WWC2: variants seen among roughly 807,000 people sequenced by gnomAD.
WWC2 encodes the protein WW and C2 domain containing 2, also known as protein WWC2.
WWC2 carries 101 observed loss-of-function variants against 138.5 expected under a neutral mutation model. The observed-to-expected ratio is 0.73, with a 90% confidence interval of 0.62 to 0.86. WWC2 has a LOEUF of 0.86. Ranked by LOEUF, WWC2 falls within the 40% of genes least tolerant of loss-of-function variation. WWC2 has a pLI of 0.00. For synonymous variants in WWC2, 558 were observed against 538.4 expected (o/e 1.04, Z -0.50); for missense variants, 1,420 against 1,419.4 (o/e 1.00, Z -0.01).
chr4:183,156,022 C>T (rs1735817444), intron 1 of WWC2, among the ~76,000 whole-genome samples: 1 of 16,196 alleles, frequency 6.2e-5, no homozygotes, highest in Admixed American at 1.3e-3. Context: ...TTTTTTCTTT[C>T]TTTCCTTTTT....
intron 21 of WWC2, among the ~76,000 whole-genome samples, chr4:183,305,518 G>GA (rs1738997612): frequency 6.7e-6 from 1 of 148,788 alleles, no homozygotes; most frequent in East Asian, 1.9e-4. Context: ...GCCAGAGGGG[G>GA]AAAAAAGCTT....
At chr4:183,254,208 G>T (rs1737070657) in intron 9 of WWC2, among the ~76,000 whole-genome samples, 1 of 152,176 alleles carries the variant, frequency 6.6e-6, no homozygotes, top group African/African-American at 2.4e-5. Context: ...CAAAACCTGT[G>T]ACAGATGTTG....
chr4:183,193,652 G>T lies in WWC2; in HGVS notation c.185G>T (p.Gly62Val). ...ADCVGDELPW[G>V]WEAGFDPQIG... Reference sequence around the variant, plus strand: ...TGTGTTGGGGATGAGCTGCCGTGGGGATGGGAAGCAGGGTTTGACCCTCAG... The same window carrying T: ...TGTGTTGGGGATGAGCTGCCGTGGGTATGGGAAGCAGGGTTTGACCCTCAG... Residue 62 changes from glycine to valine, a missense_variant, in exon 2 of 23, where the codon GGA becomes GTA. By Grantham distance (109) the Gly-to-Val change is moderately radical. Transcript: ENST00000403733. 1 of 1,613,918 alleles carries T rather than the reference G, an allele frequency of 6.2e-7. No individual in the cohort carries two copies. The highest frequency in any genetic ancestry group is 1.3e-5 in the African/African-American group (1 of 75,016).
intron 1 of WWC2, among the ~76,000 whole-genome samples, chr4:183,133,996 G>T (rs1307914133): frequency 6.6e-6 from 1 of 151,790 alleles, no homozygotes; most frequent in Admixed American, 6.6e-5. Flanking sequence ...AACTATTCAG[G>T]TTTTCTATTT....
At chr4:183,273,624 C>T (rs945399990) in intron 16 of WWC2, among the ~76,000 whole-genome samples, 1 of 152,130 alleles carries the variant, frequency 6.6e-6, no homozygotes, top group African/African-American at 2.4e-5. Flanking sequence ...TTATTATTGA[C>T]TTATAAGAGT....
rs1016946726 is a variant in WWC2, at chr4:183,210,283, C to T, written c.522+1258C>T. The stretch of plus-strand genomic sequence containing the variant: ...GTTACCGTGGACCTCGGGGGTGGGG[C>T]GGAGGTGAGGGGAGATGAAATGGTG... On this transcript the variant is annotated intron_variant, in intron 4 of 22. Transcript: ENST00000403733. Among the ~76,000 whole-genome samples, 4 of 151,202 alleles carry T rather than the reference C, an allele frequency of 2.6e-5. 1 individual carries two copies. Among genetic ancestry groups the T allele is most frequent in the East Asian group, 1.9e-4 (1 of 5,178 alleles).
chr4:183,260,188 T>C (rs1043926147), intron 10 of WWC2, among the ~76,000 whole-genome samples: 1 of 152,212 alleles, frequency 6.6e-6, no homozygotes, highest in African/African-American at 2.4e-5. Flanking sequence ...AAAGCTTTTT[T>C]TTTAATAAAA....
At chr4:183,103,625 G>T (rs1743253248) in intron 1 of WWC2, among the ~76,000 whole-genome samples, 1 of 150,488 alleles carries the variant, frequency 6.6e-6, no homozygotes, top group Middle Eastern at 3.4e-3. Flanking sequence ...ACCGCACCTG[G>T]ACTTGTGTTT....
At chr4:183,305,161 G>T (rs1047865258) in intron 21 of WWC2, among the ~76,000 whole-genome samples, 4 of 151,968 alleles carry the variant, frequency 2.6e-5, no homozygotes, top group African/African-American at 9.7e-5. Flanking sequence ...ACTAAAGAAA[G>T]AATATCTGAA....
chr4:183,180,732 A>G (rs1018836866), intron 1 of WWC2, among the ~76,000 whole-genome samples: 1 of 152,048 alleles, frequency 6.6e-6, no homozygotes, highest in African/African-American at 2.4e-5. Context: ...AGCTAGACAC[A>G]AGAAACCACA....
At chr4:183,123,112 A>C (rs1579959973) in intron 1 of WWC2, among the ~76,000 whole-genome samples, 2 of 152,190 alleles carry the variant, frequency 1.3e-5, no homozygotes, top group Non-Finnish European at 2.9e-5. Flanking sequence ...CCGTTGGCAC[A>C]ATGTATGTCA....
At position 183,250,219 on chromosome 4, in the gene WWC2, G is replaced by C. The variant is rs1371537740; in HGVS notation, c.953+226G>C. Among the ~76,000 whole-genome samples, 14 of 135,092 alleles carry C rather than the reference G, an allele frequency of 1.0e-4. No individual in the cohort carries two copies. In the Admixed American group the frequency reaches 1.2e-3, roughly 12 times the overall value. The allele number at this position is 135,092 out of a possible 152,430, so 88.6% of individuals were successfully genotyped here. A position where few individuals can be genotyped will look rare whatever the true frequency, so the allele number is the denominator to read the frequency against. On this transcript the variant is annotated intron_variant, in intron 8 of 22. Coordinates refer to ENST00000403733, the MANE Select transcript of WWC2 (RefSeq NM_024949.6). ...AAAGAACAGGGAGAATTAGTGAGAA[G>C]TATACAAATGAACTTGCCCCCTTCT...
chr4:183,126,800 G>A (rs1333286651), intron 1 of WWC2, among the ~76,000 whole-genome samples: 1 of 151,748 alleles, frequency 6.6e-6, no homozygotes, highest in Admixed American at 6.6e-5. Context: ...TGGAATCATG[G>A]CTCACTGCAG....
chr4:183,262,163 T>C (rs903416506), intron 11 of WWC2, among the ~76,000 whole-genome samples: 7 of 152,214 alleles, frequency 4.6e-5, no homozygotes, highest in African/African-American at 1.7e-4. Flanking sequence ...AGGAAAAATA[T>C]CATTTTTTTG....
At chr4:183,183,195 G>A (rs1157269088) in intron 1 of WWC2, among the ~76,000 whole-genome samples, 2 of 152,152 alleles carry the variant, frequency 1.3e-5, no homozygotes, top group African/African-American at 2.4e-5. Flanking sequence ...TTTATTTTAA[G>A]TTCTGGGGTA....
chr4:183,245,560 AT>A lies in WWC2; in HGVS notation c.732+19del. The A allele has an allele frequency of 6.4e-7, 1 of 1,565,464 alleles. No individual in the cohort carries two copies. Among genetic ancestry groups the A allele is most frequent in the South Asian group, 1.2e-5 (1 of 83,166 alleles). On this transcript the variant is annotated intron_variant, in intron 6 of 22. Coordinates refer to ENST00000403733, the MANE Select transcript of WWC2 (RefSeq NM_024949.6). ...ATCTGATGCAGGTACATTATAAAAC[AT>A]TTTGTTAAGCCAAACTTCTACCTTC...
intron 1 of WWC2, among the ~76,000 whole-genome samples, chr4:183,140,911 C>T (rs923209491): frequency 1.3e-5 from 2 of 152,186 alleles, no homozygotes; most frequent in African/African-American, 4.8e-5. Context: ...TGTAACCTCT[C>T]TGTGCTTCAG....
intron 17 of WWC2, among the ~76,000 whole-genome samples, chr4:183,282,329 C>T (rs1460874432): frequency 6.6e-6 from 1 of 152,196 alleles, no homozygotes; most frequent in Non-Finnish European, 1.5e-5. Flanking sequence ...TCTGTATTCA[C>T]TGTCATATGA....
At chr4:183,219,546 A>G (rs188228596) in intron 4 of WWC2, among the ~76,000 whole-genome samples, 134 of 152,350 alleles carry the variant, frequency 8.8e-4, no homozygotes, top group Middle Eastern at 3.4e-3. Context: ...TTAAATAAAA[A>G]TGCCTATTTA....
Sources: allele counts gnomAD v4.1 joint callset (sites outside exome capture counted in the v4.1 genomes callset), GRCh38; gene constraint gnomAD v4.1.1; transcripts MANE v1.5; gene names NCBI Gene and HGNC (gene_info 2026-07-23, HGNC 2026-07-21).